Variants in GRIA3 observed in about 807,000 individuals in gnomAD.
GRIA3 encodes glutamate ionotropic receptor AMPA type subunit 3.
Under a neutral mutation model 63.0 loss-of-function variants are expected in GRIA3, and 3 were observed. The observed-to-expected ratio is 0.05, with a 90% CI of 0.02 to 0.12. GRIA3 has a LOEUF of 0.12. Among genes scored for constraint, GRIA3 ranks in the 10% least tolerant of loss-of-function variants. The probability of loss-of-function intolerance (pLI) is 1.00; values close to 1 mark genes in which losing one functional copy is unlikely to be tolerated. For synonymous variants in GRIA3, 274 were observed against 257.9 expected, an observed-to-expected ratio of 1.06 and a Z score of -0.60; for missense variants, 347 against 700.9, an observed-to-expected ratio of 0.50 and a Z score of 5.70.
chrX:123,485,681 G>T (rs1313410723), intron 15 of GRIA3, among the ~76,000 whole-genome samples: 6 of 111,666 alleles, frequency 5.4e-5, no homozygotes, highest in East Asian at 2.8e-4. Context: ...TCCCCAGAAA[G>T]AATCTTTCTG....
At chrX:123,224,505 C>T (rs768257580) in intron 2 of GRIA3, among the ~76,000 whole-genome samples, 2 of 111,808 alleles carry the variant, frequency 1.8e-5, no homozygotes, top group Non-Finnish European at 3.8e-5. Context: ...CTATTCTCCT[C>T]GTTTTTTTCC....
At chrX:123,469,763 T>C (rs1255565885) in intron 13 of GRIA3, among the ~76,000 whole-genome samples, 1 of 112,201 alleles carries the variant, frequency 8.9e-6, no homozygotes, top group African/African-American at 3.2e-5. Flanking sequence ...AAGTCTATCA[T>C]TGTAAATCAC....
chrX:123,459,560 C>T (rs1335113962), intron 12 of GRIA3, among the ~76,000 whole-genome samples: 1 of 112,032 alleles, frequency 8.9e-6, no homozygotes, highest in Non-Finnish European at 1.9e-5. Flanking sequence ...TTATGTATTT[C>T]TCCTTTGGAT....
chrX:123,466,426 C>T (rs1456704018), intron 13 of GRIA3, among the ~76,000 whole-genome samples: 2 of 111,744 alleles, frequency 1.8e-5, no homozygotes, highest in African/African-American at 6.5e-5. Flanking sequence ...TAAGCAAGTG[C>T]GTCGCCTAAC....
At chrX:123,402,536 T>A (rs1328623594) in intron 7 of GRIA3, among the ~76,000 whole-genome samples, 3 of 110,623 alleles carry the variant, frequency 2.7e-5, no homozygotes, top group Non-Finnish European at 5.7e-5. Flanking sequence ...CAATTAATAA[T>A]TGAAGCTACG....
chrX:123,289,255 G>A (rs1478781808), intron 3 of GRIA3, among the ~76,000 whole-genome samples: 1 of 109,591 alleles, frequency 9.1e-6, no homozygotes, highest in Admixed American at 9.8e-5. Context: ...AACATCACAC[G>A]CTGGGGCCTT....
At chrX:123,257,288 TA>T (rs998049493) in intron 3 of GRIA3, among the ~76,000 whole-genome samples, 4 of 111,650 alleles carry the variant, frequency 3.6e-5, no homozygotes, top group African/African-American at 9.8e-5. Context: ...TGTGCCTACT[TA>T]GTGTTTTCCA....
intron 14 of GRIA3, among the ~76,000 whole-genome samples, chrX:123,480,506 A>G (rs1006375274): frequency 4.5e-5 from 5 of 112,022 alleles, no homozygotes; most frequent in African/African-American, 1.6e-4. Flanking sequence ...TATAATAACA[A>G]TAACAACAAC....
chrX:123,442,400 T>C (rs1326711884), intron 12 of GRIA3, among the ~76,000 whole-genome samples: 1 of 112,307 alleles, frequency 8.9e-6, no homozygotes, highest in Admixed American at 9.4e-5. Context: ...GACTGGACTG[T>C]TCCGTGGGGC....
intron 3 of GRIA3, among the ~76,000 whole-genome samples, chrX:123,276,974 G>A (rs952893684): frequency 9.0e-6 from 1 of 111,577 alleles, no homozygotes; most frequent in African/African-American, 3.3e-5. Flanking sequence ...TGCAGATAGT[G>A]GCTACTGTAT....
rs540342936 is a variant in GRIA3, at chrX:123,342,827, C to A, written c.697-12083C>A. Among the ~76,000 whole-genome samples, 56 of 111,396 alleles carry A rather than the reference C, an allele frequency of 5.0e-4. 1 individual carries two copies. In the South Asian group the frequency reaches 0.02, roughly 40 times the overall value. The stretch of plus-strand genomic sequence containing the variant: ...CAACAAAGGAGAATTTCCAAAGTTT[C>A]GGGCCACAACTGTTCCCCACTTAGG... On this transcript the variant is annotated intron_variant, in intron 4 of 15. Transcript: ENST00000620443.
intron 3 of GRIA3, among the ~76,000 whole-genome samples, chrX:123,261,366 TTACTG>T (rs2044459220): frequency 9.0e-6 from 1 of 111,637 alleles, no homozygotes; most frequent in African/African-American, 3.3e-5. Context: ...TAGATCCTGT[TTACTG>T]TAATATTTCC....
At chrX:123,219,581 G>C (rs1348952258) in intron 2 of GRIA3, among the ~76,000 whole-genome samples, 1 of 112,050 alleles carries the variant, frequency 8.9e-6, no homozygotes, top group East Asian at 2.8e-4. Flanking sequence ...GTAATACACA[G>C]CTGTGGTCAA....
chrX:123,314,503 A>G (rs763415333), intron 3 of GRIA3, among the ~76,000 whole-genome samples: 45 of 111,833 alleles, frequency 4.0e-4, no homozygotes, highest in African/African-American at 1.4e-3. Flanking sequence ...TGTGTGGGTG[A>G]GGATCAGAGG....
chrX:123,369,520 T>C (rs1017171324), intron 5 of GRIA3, among the ~76,000 whole-genome samples: 2 of 112,040 alleles, frequency 1.8e-5, no homozygotes, highest in Admixed American at 1.9e-4. Flanking sequence ...ATAGGGAGCG[T>C]CTGGCCTCAA....
At chrX:123,265,595 A>G (rs181882773) in intron 3 of GRIA3, among the ~76,000 whole-genome samples, 2 of 112,196 alleles carry the variant, frequency 1.8e-5, no homozygotes, top group East Asian at 5.6e-4. Flanking sequence ...TTGCTTTCTC[A>G]GGTGTGGCAG....
rs189477474 is a variant in GRIA3 at position 123,352,720 on chromosome X, C to T, written c.697-2190C>T. The stretch of plus-strand genomic sequence containing the variant: ...CTCATTTTTCTAGCAGAACTCAAAA[C>T]CCTCTGGTTTTATTATGTTGAGAGT... On this transcript the variant is annotated intron_variant, in intron 4 of 15. Coordinates refer to ENST00000620443, the MANE Select transcript of GRIA3 (RefSeq NM_007325.5). 2.0e-3 allele frequency among the ~76,000 whole-genome samples: 223 copies of T among 111,377 alleles called. 1 individual carries two copies. Among genetic ancestry groups the T allele is most frequent in the Non-Finnish European group, 3.8e-3 (203 of 53,103 alleles).
intron 4 of GRIA3, among the ~76,000 whole-genome samples, chrX:123,329,649 G>C (rs753466450): frequency 1.8e-5 from 2 of 111,529 alleles, no homozygotes; most frequent in African/African-American, 6.5e-5. Flanking sequence ...AACCATGAAG[G>C]GTTGGTAGGG....
At chrX:123,342,812 G>A (rs778653433) in intron 4 of GRIA3, among the ~76,000 whole-genome samples, 3 of 111,617 alleles carry the variant, frequency 2.7e-5, no homozygotes, top group Non-Finnish European at 5.7e-5. Context: ...CAACAAAGGA[G>A]AATTTCCAAA....
Sources: gnomAD v4.1 joint callset for allele counts (sites outside exome capture counted in the v4.1 genomes callset) on GRCh38, gnomAD v4.1.1 for gene constraint, MANE v1.5 for transcripts, NCBI Gene and HGNC (gene_info 2026-07-23, HGNC 2026-07-21) for gene names.